The following FHIT variants were observed in gnomAD, a reference collection of about 807,000 sequenced individuals.
FHIT encodes the protein fragile histidine triad diadenosine triphosphatase.
FHIT carries 19 observed loss-of-function variants against 17.9 expected under a neutral mutation model. The ratio of observed to expected loss-of-function variants is 1.06; its 90% CI spans 0.74 to 1.56. FHIT has a LOEUF of 1.56. Among genes scored for constraint, FHIT ranks in the 40% most tolerant of loss-of-function variants. The probability of loss-of-function intolerance (pLI) is 0.00; values close to 1 mark genes in which losing one functional copy is unlikely to be tolerated. For missense variants in FHIT, 248 were observed against 189.2 expected (o/e 1.31, Z -1.82); for synonymous variants, 81 against 69.7 (o/e 1.16, Z -0.81).
chr3:60,617,055 C>T, intron 4 of FHIT: 1 of 212,734 alleles, frequency 4.7e-6, no homozygotes, highest in South Asian at 8.5e-5. Context: ...ACTGACATGG[C>T]AAAGAAACGA....
At chr3:60,028,578 A>T (rs560959737) in intron 5 of FHIT, among the ~76,000 whole-genome samples, 29 of 152,344 alleles carry the variant, frequency 1.9e-4, no homozygotes, top group African/African-American at 6.5e-4. Flanking sequence ...AAAATGGATA[A>T]TCGAAAGAGG....
chr3:60,860,690 GGTATATAT>G (rs1223081891), intron 3 of FHIT, among the ~76,000 whole-genome samples: 1 of 112,162 alleles, frequency 8.9e-6, no homozygotes, highest in African/African-American at 3.2e-5. Flanking sequence ...ATATATATCA[GGTATATAT>G]GTACATATGT....
intron 2 of FHIT, among the ~76,000 whole-genome samples, chr3:61,068,137 A>T (rs1024580049): frequency 6.6e-6 from 1 of 152,226 alleles, no homozygotes; most frequent in Non-Finnish European, 1.5e-5. Context: ...ACAAATTTAC[A>T]CAAACTTTGG....
At chr3:60,156,045 A>G (rs142220288) in intron 5 of FHIT, among the ~76,000 whole-genome samples, 22 of 152,290 alleles carry the variant, frequency 1.4e-4, no homozygotes, top group Admixed American at 2.0e-4. Flanking sequence ...TAGCTTAAAA[A>G]ATAACACTAT....
At chr3:61,209,188 T>G (rs1009714883) in intron 1 of FHIT, among the ~76,000 whole-genome samples, 1 of 152,232 alleles carries the variant, frequency 6.6e-6, no homozygotes, top group African/African-American at 2.4e-5. Flanking sequence ...AGAGATCCGC[T>G]GTTAGTCTGA....
chr3:59,984,039 GT>G (rs1444777013), intron 7 of FHIT, among the ~76,000 whole-genome samples: 2 of 152,098 alleles, frequency 1.3e-5, no homozygotes, highest in Non-Finnish European at 2.9e-5. Flanking sequence ...TAACTTTCCT[GT>G]GAATAATACT....
At chr3:60,569,149 A>C (rs2037247504) in intron 4 of FHIT, among the ~76,000 whole-genome samples, 1 of 152,082 alleles carries the variant, frequency 6.6e-6, no homozygotes, top group Non-Finnish European at 1.5e-5. Context: ...AAATTCAGTA[A>C]AGGTTTGACA....
intron 4 of FHIT, among the ~76,000 whole-genome samples, chr3:60,715,856 A>T (rs2041670025): frequency 6.6e-6 from 1 of 152,194 alleles, no homozygotes. Context: ...GCAACTTAGT[A>T]TTACAGTAAT....
chr3:60,623,170 GAAAT>G lies in FHIT; in HGVS notation c.-17-86195_-17-86192del, dbSNP rs1300377832. On this transcript the variant is annotated intron_variant, in intron 4 of 9. Transcript: ENST00000492590. ...AATCACTAGTCTGTTACATGAGCAA[GAAAT>G]AACTTTTTTAATGCAATTGCGTGGC... is the stretch of plus-strand genomic sequence containing the variant. 2.0e-5 allele frequency among the ~76,000 whole-genome samples: 3 copies of G among 152,198 alleles called. No homozygotes were observed. The East Asian group carries it at 5.8e-4, about 29-fold the overall frequency.
intron 2 of FHIT, among the ~76,000 whole-genome samples, chr3:61,060,447 T>A (rs2034387169): frequency 6.6e-6 from 1 of 152,192 alleles, no homozygotes; most frequent in Non-Finnish European, 1.5e-5. Context: ...AGGAGACATA[T>A]CTGTGTTTCA....
At chr3:59,997,453 A>G (rs1259206954) in intron 7 of FHIT, among the ~76,000 whole-genome samples, 1 of 152,206 alleles carries the variant, frequency 6.6e-6, no homozygotes, top group Non-Finnish European at 1.5e-5. Context: ...GGGTTATTCA[A>G]CAATGGAATA....
intron 4 of FHIT, among the ~76,000 whole-genome samples, chr3:60,621,415 C>T (rs1446625688): frequency 6.6e-6 from 1 of 152,056 alleles, no homozygotes; most frequent in African/African-American, 2.4e-5. Context: ...TCCCAAAGTG[C>T]TGGGATTACA....
chr3:61,188,626 C>G (rs909903294), intron 2 of FHIT, among the ~76,000 whole-genome samples: 86 of 151,350 alleles, frequency 5.7e-4, no homozygotes, highest in African/African-American at 2.0e-3. Context: ...AGAGACACAA[C>G]AAAAAAAGAG....
At chr3:60,419,650 T>A (rs918702665) in intron 5 of FHIT, among the ~76,000 whole-genome samples, 1 of 152,284 alleles carries the variant, frequency 6.6e-6, no homozygotes, top group East Asian at 1.9e-4. Flanking sequence ...TTTCCTCCAG[T>A]ATTCTTTTTG....
At chr3:60,983,642 T>C (rs1035535947) in intron 3 of FHIT, among the ~76,000 whole-genome samples, 2 of 152,088 alleles carry the variant, frequency 1.3e-5, no homozygotes, top group African/African-American at 4.8e-5. Flanking sequence ...TCTGTAACCA[T>C]GAGAGCAGCA....
At chr3:59,916,874 G>C (rs1022928234) in intron 8 of FHIT, among the ~76,000 whole-genome samples, 3 of 152,158 alleles carry the variant, frequency 2.0e-5, no homozygotes, top group South Asian at 2.1e-4. Context: ...TTCTGAGTGA[G>C]AGACACCAAA....
At chr3:59,947,471 G>C (rs1308377039) in intron 7 of FHIT, among the ~76,000 whole-genome samples, 1 of 152,040 alleles carries the variant, frequency 6.6e-6, no homozygotes, top group Non-Finnish European at 1.5e-5. Flanking sequence ...TTATGGTTTT[G>C]TTGATCTTTT....
intron 5 of FHIT, among the ~76,000 whole-genome samples, chr3:60,285,781 GACAC>G (rs982062670): frequency 3.9e-5 from 6 of 152,148 alleles, no homozygotes; most frequent in African/African-American, 1.2e-4. Flanking sequence ...TGTTTAAATT[GACAC>G]ACAGTCGATG....
At chr3:60,567,487 T>G (rs1051652015) in intron 4 of FHIT, among the ~76,000 whole-genome samples, 1 of 152,108 alleles carries the variant, frequency 6.6e-6, no homozygotes, top group Non-Finnish European at 1.5e-5. Flanking sequence ...ATGTTAGACC[T>G]AAAACCATAA....
Sources: allele counts gnomAD v4.1 joint callset (sites outside exome capture counted in the v4.1 genomes callset), GRCh38; gene constraint gnomAD v4.1.1; transcripts MANE v1.5; gene names NCBI Gene and HGNC (gene_info 2026-07-23, HGNC 2026-07-21).